The following GRID2 variants were observed in gnomAD, a reference collection of about 807,000 sequenced individuals.
GRID2 encodes glutamate receptor ionotropic, delta-2.
A neutral mutation model predicts 114.8 loss-of-function variants in GRID2; 33 were observed. The observed-to-expected ratio is 0.29, with a 90% CI of 0.22 to 0.38. The LOEUF is 0.38. Ranked by LOEUF, GRID2 falls within the 10% of genes least tolerant of loss-of-function variation. The pLI, the probability that GRID2 is intolerant of heterozygous loss-of-function variation, is 1.00. For synonymous variants in GRID2, 505 were observed against 449.9 expected, an observed-to-expected ratio of 1.12 and a Z score of -1.55; for missense variants, 1,184 against 1,257.7, an observed-to-expected ratio of 0.94 and a Z score of 0.89.
chr4:93,447,406 A>G (rs1040411048), intron 10 of GRID2, among the ~76,000 whole-genome samples: 2 of 152,172 alleles, frequency 1.3e-5, no homozygotes, highest in Non-Finnish European at 2.9e-5. Context: ...TTGAAAAGAT[A>G]TAAAACAAAA....
intron 1 of GRID2, among the ~76,000 whole-genome samples, chr4:92,449,289 T>TA (rs948925530): frequency 2.0e-5 from 3 of 152,098 alleles, no homozygotes; most frequent in African/African-American, 7.2e-5. Context: ...TTCCATAACT[T>TA]ACAGTGCTGC....
intron 14 of GRID2, among the ~76,000 whole-genome samples, chr4:93,633,532 A>G (rs1721135406): frequency 6.6e-6 from 1 of 152,152 alleles, no homozygotes; most frequent in African/African-American, 2.4e-5. Flanking sequence ...ATACATGAAT[A>G]AAAGATCTAC....
chr4:93,019,333 T>G (rs1035627771), intron 2 of GRID2, among the ~76,000 whole-genome samples: 7 of 152,140 alleles, frequency 4.6e-5, no homozygotes, highest in African/African-American at 1.7e-4. Context: ...GAAGAATAAA[T>G]GTTTTTGTTT....
intron 10 of GRID2, among the ~76,000 whole-genome samples, chr4:93,455,084 C>A (rs1340851314): frequency 1.3e-5 from 2 of 152,058 alleles, no homozygotes. Context: ...TAAAATATTT[C>A]TGAAGTTTAT....
intron 8 of GRID2, among the ~76,000 whole-genome samples, chr4:93,270,986 A>G (rs1751400404): frequency 6.6e-6 from 1 of 152,120 alleles, no homozygotes. Context: ...TGATTTTTTC[A>G]TACCTGGAAA....
intron 2 of GRID2, among the ~76,000 whole-genome samples, chr4:92,931,221 C>G (rs1340801325): frequency 6.6e-6 from 1 of 150,752 alleles, no homozygotes; most frequent in African/African-American, 2.4e-5. Flanking sequence ...CTCACTAATT[C>G]ACCATATTAA....
At chr4:92,796,474 T>C (rs909595366) in intron 2 of GRID2, among the ~76,000 whole-genome samples, 8 of 151,922 alleles carry the variant, frequency 5.3e-5, no homozygotes, top group African/African-American at 1.4e-4. Flanking sequence ...TGGGGATTAG[T>C]AGCTTTATAG....
chr4:92,329,055 T>C (rs1560570203), intron 1 of GRID2, among the ~76,000 whole-genome samples: 1 of 152,038 alleles, frequency 6.6e-6, no homozygotes, highest in African/African-American at 2.4e-5. Context: ...CGTGTATATA[T>C]ATGTGTGTGC....
intron 1 of GRID2, among the ~76,000 whole-genome samples, chr4:92,377,451 A>C (rs1218974538): frequency 6.6e-6 from 1 of 152,036 alleles, no homozygotes; most frequent in African/African-American, 2.4e-5. Flanking sequence ...GGAAGCTCCA[A>C]ACTTGCCCAC....
intron 1 of GRID2, among the ~76,000 whole-genome samples, chr4:92,354,386 T>C (rs1728217865): frequency 6.6e-6 from 1 of 151,980 alleles, no homozygotes; most frequent in Non-Finnish European, 1.5e-5. Context: ...GTACATGAGC[T>C]TGTAGCTGCC....
At chr4:92,524,985 A>G (rs1239118747) in intron 1 of GRID2, among the ~76,000 whole-genome samples, 1 of 152,046 alleles carries the variant, frequency 6.6e-6, no homozygotes, top group Non-Finnish European at 1.5e-5. Flanking sequence ...TGTGGTTTTC[A>G]TGGAAGAATA....
At chr4:93,558,747 C>T (rs1468103910) in intron 13 of GRID2, among the ~76,000 whole-genome samples, 1 of 152,140 alleles carries the variant, frequency 6.6e-6, no homozygotes, top group African/African-American at 2.4e-5. Context: ...AGGCCAGCAT[C>T]ATCCTGAAAC....
rs10034345 is a variant in GRID2, at chr4:93,422,891, G to C, written c.1468G>C (p.Val490Leu). 8.1e-6 allele frequency: 13 copies of C among 1,613,372 alleles called. No homozygotes were observed. The East Asian group carries it at 2.7e-4, about 33-fold the overall frequency. The change falls in exon 10 of 16, where the codon GTA becomes CTA. Residue 490 changes from valine to leucine, a missense_variant. Val to Leu is a conservative substitution (Grantham distance 32, BLOSUM62 1). Around this residue, in one of 3 missense-constraint regions of GRID2, gnomAD observed 717 missense variants for 796.9 expected, o/e 0.90. Transcript: ENST00000282020. ...NYLGFNYEIY[V>L]APDHKYGSPQ... is the part of the protein sequence containing the mutation. Reference sequence around the variant, plus strand: ...CCTGGGTTTTAACTACGAAATTTACGTAGCACCGGATCACAAATACGGAAG... The same window carrying C: ...CCTGGGTTTTAACTACGAAATTTACCTAGCACCGGATCACAAATACGGAAG...
intron 1 of GRID2, among the ~76,000 whole-genome samples, chr4:92,372,439 C>T (rs1403416305): frequency 1.3e-5 from 2 of 152,180 alleles, no homozygotes; most frequent in African/African-American, 4.8e-5. Context: ...CAACCATTAA[C>T]ATTAAGGCCT....
chr4:92,954,772 C>A (rs1443886143), intron 2 of GRID2, among the ~76,000 whole-genome samples: 2 of 121,694 alleles, frequency 1.6e-5, no homozygotes, highest in South Asian at 3.2e-4. Flanking sequence ...CCCCTCCCCC[C>A]ACCCCACAAG....
chr4:92,811,812 G>A (rs990012018), intron 2 of GRID2, among the ~76,000 whole-genome samples: 3 of 152,072 alleles, frequency 2.0e-5, no homozygotes, highest in African/African-American at 7.2e-5. Context: ...ACAAATGTCT[G>A]TTAACAATTT....
intron 14 of GRID2, among the ~76,000 whole-genome samples, chr4:93,738,120 A>G (rs551288926): frequency 6.6e-6 from 1 of 152,282 alleles, no homozygotes; most frequent in South Asian, 2.1e-4. Flanking sequence ...AAGAGAAGAG[A>G]AAAGCTATTC....
intron 2 of GRID2, among the ~76,000 whole-genome samples, chr4:92,783,284 A>G (rs562791360): frequency 1.8e-3 from 268 of 152,152 alleles, no homozygotes; most frequent in Middle Eastern, 0.014. Flanking sequence ...TATTGTTTTC[A>G]CCCGCAAAAA....
intron 1 of GRID2, among the ~76,000 whole-genome samples, chr4:93,803,752 A>G (rs898223125): frequency 1.3e-5 from 2 of 152,280 alleles, no homozygotes; most frequent in South Asian, 2.1e-4. Flanking sequence ...CCTTTTTCAA[A>G]TATACTACAC....
Sources: gnomAD v4.1 joint callset for allele counts (sites outside exome capture counted in the v4.1 genomes callset) on GRCh38, gnomAD v4.1.1 for gene constraint, gnomAD v4.1.1 regional missense constraint, MANE v1.5 for transcripts, NCBI Gene and HGNC (gene_info 2026-07-23, HGNC 2026-07-21) for gene names.